TAB1: variants seen among roughly 807,000 people sequenced by gnomAD.
The protein encoded by TAB1 is TGF-beta activated kinase 1 (MAP3K7) binding protein 1, also known as TGF-beta-activated kinase 1 and MAP3K7-binding protein 1.
TAB1 carries 30 observed loss-of-function variants against 54.5 expected under a neutral mutation model. The ratio of observed to expected loss-of-function variants is 0.55; its 90% CI spans 0.41 to 0.75. TAB1 has a LOEUF of 0.75. TAB1 is among the 30% of genes least tolerant of loss of function. The pLI, the probability that TAB1 is intolerant of heterozygous loss-of-function variation, is 0.00. For missense variants in TAB1, 609 were observed against 683.2 expected, an observed-to-expected ratio of 0.89 and a Z score of 1.21; for synonymous variants, 289 against 286.9, an observed-to-expected ratio of 1.01 and a Z score of -0.07.
intron 1 of TAB1, among the ~76,000 whole-genome samples, chr22:39,402,884 C>G (rs1342991454): frequency 1.3e-5 from 2 of 152,202 alleles, no homozygotes; most frequent in Non-Finnish European, 2.9e-5. Context: ...TTGATGTGTT[C>G]AAAAGGACCC....
At chr22:39,413,014 A>G (rs1416727422) in intron 1 of TAB1, among the ~76,000 whole-genome samples, 3 of 148,552 alleles carry the variant, frequency 2.0e-5, no homozygotes, top group Non-Finnish European at 4.4e-5. Flanking sequence ...TCCCGGGTTC[A>G]TGCCATTCTC....
intron 1 of TAB1, among the ~76,000 whole-genome samples, chr22:39,410,147 A>T (rs1926546511): frequency 1.3e-5 from 2 of 152,164 alleles, no homozygotes; most frequent in Admixed American, 6.5e-5. Flanking sequence ...TCACTCTGTC[A>T]TCCAGGCTGG....
chr22:39,432,981 G>A, downstream of TAB1: 1 of 985,454 alleles, frequency 1.0e-6, no homozygotes, highest in Non-Finnish European at 1.2e-6. Context: ...AAGCTGTGCA[G>A]CCCTGGTGGG....
Position 39,426,933 on chromosome 22 carries a change from T to C in TAB1, c.1144+8T>C, listed in dbSNP as rs200692703. Reference sequence around the variant, plus strand: ...CACCGAGCCCAGCCCCAGGTACGTGTGCTGTGCAGACAGGCAGTGCCTGGG... The same window carrying C: ...CACCGAGCCCAGCCCCAGGTACGTGCGCTGTGCAGACAGGCAGTGCCTGGG... On this transcript the variant is annotated splice_region_variant and intron_variant, in intron 9 of 10. Transcript: ENST00000216160. 284 of 1,609,094 alleles carry C rather than the reference T, an allele frequency of 1.8e-4. 2 individuals carry two copies. In the East Asian group the frequency reaches 6.1e-3, roughly 35 times the overall value.
intron 8 of TAB1, among the ~76,000 whole-genome samples, chr22:39,426,492 A>G (rs1255801686): frequency 6.6e-6 from 1 of 152,248 alleles, no homozygotes; most frequent in African/African-American, 2.4e-5. Context: ...TAGAGCAATC[A>G]CAAGAGCACA....
At chr22:39,420,290 T>G (rs1927012092) in intron 7 of TAB1, among the ~76,000 whole-genome samples, 1 of 152,200 alleles carries the variant, frequency 6.6e-6, no homozygotes, top group Non-Finnish European at 1.5e-5. Flanking sequence ...AAGAGGAAAC[T>G]GAGGCATGGA....
At chr22:39,410,954 A>G (rs1254720723) in intron 1 of TAB1, among the ~76,000 whole-genome samples, 1 of 152,248 alleles carries the variant, frequency 6.6e-6, no homozygotes, top group African/African-American at 2.4e-5. Flanking sequence ...AAGACTTACT[A>G]TAAAGCTACA....
At chr22:39,420,300 A>C (rs1018910955) in intron 7 of TAB1, among the ~76,000 whole-genome samples, 9 of 152,216 alleles carry the variant, frequency 5.9e-5, no homozygotes, top group Non-Finnish European at 8.8e-5. Flanking sequence ...TGAGGCATGG[A>C]GACATCAGGC....
downstream of TAB1, chr22:39,436,711 C>T: frequency 3.0e-6 from 2 of 656,928 alleles, no homozygotes; most frequent in East Asian, 2.7e-5. Context: ...AGACCCCCTC[C>T]CTCATGCATC....
chr22:39,430,058 C>A lies in TAB1; in HGVS notation c.1351C>A (p.Gln451Lys), dbSNP rs142233801. Residue 451 changes from glutamine (Q) to lysine (K), a missense_variant, in exon 11 of 11, where the codon CAG becomes AAG. By Grantham distance (53) the Gln-to-Lys change is moderately conservative. Transcript: ENST00000216160. Reference sequence around the variant, plus strand: ...CCTGCAGTCCACCAACACGCACACGCAGAGCAGCAGCTCCAGCTCTGACGG... The same window carrying A: ...CCTGCAGTCCACCAACACGCACACGAAGAGCAGCAGCTCCAGCTCTGACGG... ...LTLQSTNTHTQSSSSSSDGGL... is the reference protein window; with the variant it reads ...LTLQSTNTHTKSSSSSSDGGL... The A allele has an allele frequency of 6.0e-5, 97 of 1,613,928 alleles. No homozygotes were observed. The highest frequency in any genetic ancestry group is 8.1e-5 in the Non-Finnish European group (95 of 1,180,044).
chr22:39,434,659 TACTG>T (rs1033127308), downstream of TAB1, among the ~76,000 whole-genome samples: 18 of 152,262 alleles, frequency 1.2e-4, no homozygotes, highest in South Asian at 1.0e-3. Flanking sequence ...CTTTGAGAAA[TACTG>T]ACACCAGTTC....
chr22:39,415,469 C>CAAG lies in TAB1; in HGVS notation c.171-30_171-29insAGA. On this transcript the variant is annotated intron_variant, in intron 2 of 10. Transcript: ENST00000216160. The surrounding 1 kb of genome is among the most constrained non-coding windows in gnomAD (Gnocchi z 4.9). Reference sequence around the variant, plus strand: ...CTCCACCTCCGTGAGACCCTGGTCTCAGGCCTCCCTCTGCCCTCTCCCTCT... The same window carrying CAAG: ...CTCCACCTCCGTGAGACCCTGGTCTCAAGAGGCCTCCCTCTGCCCTCTCCCTCT... 1 of 1,603,312 alleles carries CAAG rather than the reference C, an allele frequency of 6.2e-7. No individual in the cohort carries two copies. Among genetic ancestry groups the CAAG allele is most frequent in the Non-Finnish European group, 8.5e-7 (1 of 1,170,904 alleles).
downstream of TAB1, chr22:39,436,587 A>C: frequency 6.3e-7 from 1 of 1,596,436 alleles, no homozygotes; most frequent in South Asian, 1.1e-5. Context: ...AAGCGCCTAC[A>C]CCAAGGGGCC....
intron 9 of TAB1, 82 bp from the exon 10 acceptor site, chr22:39,427,939 A>C (rs1466765051): frequency 1.6e-5 from 21 of 1,352,790 alleles, no homozygotes; most frequent in Admixed American, 2.2e-5. Flanking sequence ...CCACCCCATC[A>C]GGCCATGGAG....
rs369807240 is a variant in TAB1 at position 39,426,912 on chromosome 22, G to A, written c.1131G>A (p.Pro377=). Residue 377 remains proline, a synonymous_variant, in exon 9 of 11, where the codon CCG becomes CCA. Coordinates refer to ENST00000216160, the MANE Select transcript of TAB1 (RefSeq NM_006116.3). ...YPLGEMSQPT[P]SPAPAAGGRV... is the part of the protein sequence containing the mutation. ...TGGGCGAAATGAGCCAGCCCACACC[G>A]AGCCCAGCCCCAGGTACGTGTGCTG... The A allele has an allele frequency of 5.0e-6, 8 of 1,611,554 alleles. No homozygotes were observed. The highest frequency in any genetic ancestry group is 1.6e-4 in the Middle Eastern group (1 of 6,078).
intron 1 of TAB1, among the ~76,000 whole-genome samples, chr22:39,401,987 C>A (rs1926164812): frequency 6.6e-6 from 1 of 152,130 alleles, no homozygotes; most frequent in South Asian, 2.1e-4. Context: ...GTTTGTAGAT[C>A]AGCTTGGGAG....
Position 39,426,746 on chromosome 22 carries a change from C to T in TAB1, c.965C>T (p.Ser322Phe), listed in dbSNP as rs1927360401. The T allele has an allele frequency of 1.2e-6, 2 of 1,613,282 alleles. No homozygotes were observed. Among genetic ancestry groups the T allele is most frequent in the Admixed American group, 3.3e-5 (2 of 59,988 alleles). The change falls in exon 9 of 11, where the codon TCC becomes TTC. Residue 322 changes from serine to phenylalanine, a missense_variant. Coordinates refer to ENST00000216160, the MANE Select transcript of TAB1 (RefSeq NM_006116.3). ...GACACTGAGTTTGCCAAGCAGACCT[C>T]CCTGGACGCAGTGGCCCAGGCCGTC... ...MIDTEFAKQT[S>F]LDAVAQAVVD...
chr22:39,433,456 A>AC, downstream of TAB1: 1 of 563,692 alleles, frequency 1.8e-6, no homozygotes, highest in Non-Finnish European at 2.0e-6. Flanking sequence ...CTGTCTCAAG[A>AC]AAAAAAAAAA....
At position 39,421,967 on chromosome 22, in the gene TAB1, A is replaced by G. The variant is rs1927110301; in HGVS notation, c.917A>G (p.Asn306Ser). 6.5e-7 allele frequency: 1 copy of G among 1,547,846 alleles called. No individual in the cohort carries two copies. The highest frequency in any genetic ancestry group is 8.7e-7 in the Non-Finnish European group (1 of 1,150,968). ...GCAGCCCATGGGCCTGGGCAGGCCAACCAGGTGAGTTGGGCCCAGCCACGC... is the reference window on the plus strand; with the variant it reads ...GCAGCCCATGGGCCTGGGCAGGCCAGCCAGGTGAGTTGGGCCCAGCCACGC... ...LEAAHGPGQANQEIAAMIDTE... is the reference protein window; with the variant it reads ...LEAAHGPGQASQEIAAMIDTE... The change falls in exon 8 of 11, where the codon AAC (asparagine) becomes AGC (serine). Residue 306 changes from asparagine to serine, a missense_variant. By Grantham distance (46) the Asn-to-Ser change is conservative. Coordinates refer to ENST00000216160, the MANE Select transcript of TAB1 (RefSeq NM_006116.3).
Sources: allele counts gnomAD v4.1 joint callset (sites outside exome capture counted in the v4.1 genomes callset), GRCh38; gene constraint gnomAD v4.1.1; non-coding constraint Gnocchi (gnomAD v3.1); transcripts MANE v1.5; gene names NCBI Gene and HGNC (gene_info 2026-07-23, HGNC 2026-07-21).